The following MVB12B variants were observed in gnomAD, a reference collection of about 807,000 sequenced individuals.
MVB12B encodes ESCRT-I complex subunit MVB12B.
Under a neutral mutation model 41.6 loss-of-function variants are expected in MVB12B, and 16 were observed. That is an observed-to-expected ratio of 0.38 (90% CI 0.26 to 0.58). The LOEUF (loss-of-function observed/expected upper bound fraction) is 0.58, where lower values mean the gene tolerates loss of function less well. Among genes scored for constraint, MVB12B ranks in the 20% least tolerant of loss-of-function variants. The pLI is 0.62. For missense variants in MVB12B, 274 were observed against 380.2 expected (o/e 0.72, Z 2.32); for synonymous variants, 133 against 139.7 (o/e 0.95, Z 0.34).
intron 2 of MVB12B, among the ~76,000 whole-genome samples, chr9:126,365,684 T>G (rs991011968): frequency 1.3e-5 from 2 of 152,154 alleles, no homozygotes; most frequent in African/African-American, 4.8e-5. Flanking sequence ...AATATACCTT[T>G]CTATTGTTTC....
chr9:126,467,099 G>A (rs1174694307), intron 7 of MVB12B, among the ~76,000 whole-genome samples: 1 of 152,106 alleles, frequency 6.6e-6, no homozygotes, highest in Non-Finnish European at 1.5e-5. Flanking sequence ...CTGCCAAAGT[G>A]CTGGAATTAC....
At chr9:126,419,937 T>G (rs763114707) in intron 6 of MVB12B, among the ~76,000 whole-genome samples, 5 of 152,166 alleles carry the variant, frequency 3.3e-5, no homozygotes, top group Non-Finnish European at 7.4e-5. Context: ...CCTAGGAGTT[T>G]GAACCCAAGC....
intron 7 of MVB12B, among the ~76,000 whole-genome samples, chr9:126,467,713 A>G (rs1833226899): frequency 6.6e-6 from 1 of 152,212 alleles, no homozygotes; most frequent in South Asian, 2.1e-4. Context: ...TATTTAGCCA[A>G]TGGGAACCCC....
At chr9:126,370,952 A>G (rs1487341627) in intron 2 of MVB12B, among the ~76,000 whole-genome samples, 2 of 151,938 alleles carry the variant, frequency 1.3e-5, no homozygotes, top group African/African-American at 4.8e-5. Context: ...TTTTTTTCTA[A>G]AAGTTTGGAA....
chr9:126,379,252 G>A (rs901694198), intron 2 of MVB12B, among the ~76,000 whole-genome samples: 1 of 152,230 alleles, frequency 6.6e-6, no homozygotes, highest in African/African-American at 2.4e-5. Context: ...AGATGCATGT[G>A]TTTGGATATG....
At chr9:126,458,468 C>G (rs2119172329) in intron 7 of MVB12B, among the ~76,000 whole-genome samples, 1 of 152,338 alleles carries the variant, frequency 6.6e-6, no homozygotes, top group East Asian at 1.9e-4. Context: ...TTAACTTTGC[C>G]TGCCTGCTGG....
intron 9 of MVB12B, among the ~76,000 whole-genome samples, chr9:126,493,486 T>C (rs1017180763): frequency 2.0e-5 from 3 of 152,240 alleles, no homozygotes; most frequent in Non-Finnish European, 4.4e-5. Context: ...TCTCTCTTTT[T>C]TCCCCCAGAA....
chr9:126,410,141 TTGTG>T (rs3222493), intron 6 of MVB12B, among the ~76,000 whole-genome samples: 23,225 of 148,256 alleles, frequency 0.16, 1,989 homozygotes, highest in Middle Eastern at 0.29. Flanking sequence ...TGATTTGGTT[TTGTG>T]TGTGTGTGTG....
At chr9:126,497,235 C>A (rs1833856494) in intron 9 of MVB12B, among the ~76,000 whole-genome samples, 2 of 152,212 alleles carry the variant, frequency 1.3e-5, no homozygotes, top group South Asian at 4.1e-4. Flanking sequence ...CCTTATTGCA[C>A]CCCCTGGTTT....
At chr9:126,501,553 G>A (rs1185596760) in intron 9 of MVB12B, among the ~76,000 whole-genome samples, 1 of 152,214 alleles carries the variant, frequency 6.6e-6, no homozygotes, top group Non-Finnish European at 1.5e-5. Context: ...GGGTCAGCCT[G>A]GGGACTGTGG....
intron 3 of MVB12B, among the ~76,000 whole-genome samples, chr9:126,382,680 C>G (rs1830669403): frequency 6.6e-6 from 1 of 152,062 alleles, no homozygotes; most frequent in Admixed American, 6.5e-5. Context: ...TAAAAATGGC[C>G]TGAGGACAGC....
chr9:126,445,333 G>C (rs951167323), intron 7 of MVB12B, among the ~76,000 whole-genome samples: 1 of 152,088 alleles, frequency 6.6e-6, no homozygotes, highest in Non-Finnish European at 1.5e-5. Flanking sequence ...TTGAGACAGG[G>C]ACTCACTCTG....
At chr9:126,499,719 GC>G (rs1833912113) in intron 9 of MVB12B, among the ~76,000 whole-genome samples, 1 of 152,186 alleles carries the variant, frequency 6.6e-6, no homozygotes, top group Admixed American at 6.5e-5. Context: ...AAAACAAGAA[GC>G]GGGGGTGGGT....
At chr9:126,400,027 G>A (rs1324844828) in intron 6 of MVB12B, among the ~76,000 whole-genome samples, 1 of 152,114 alleles carries the variant, frequency 6.6e-6, no homozygotes, top group African/African-American at 2.4e-5. Context: ...TCGGAGCGTG[G>A]GTGTGTGGAG....
chr9:126,406,788 T>A (rs979516799), intron 6 of MVB12B, among the ~76,000 whole-genome samples: 2 of 152,202 alleles, frequency 1.3e-5, no homozygotes, highest in African/African-American at 4.8e-5. Flanking sequence ...ATACCATGAT[T>A]TGGAGTGTTG....
At position 126,367,982 on chromosome 9, in the gene MVB12B, A is replaced by G. The variant is rs532006596; in HGVS notation, c.205-13082A>G. ...AAGGAAAGACTTGTGTCCTGAAGAGATGAATTGCAGCTTAGTGATGATGGC... is the reference window on the plus strand; with the variant it reads ...AAGGAAAGACTTGTGTCCTGAAGAGGTGAATTGCAGCTTAGTGATGATGGC... On this transcript the variant is annotated intron_variant, in intron 2 of 9. Transcript: ENST00000361171. The surrounding 1 kb of genome is among the most constrained non-coding windows in gnomAD (Gnocchi z 4.3). Among the ~76,000 whole-genome samples the G allele has an allele frequency of 2.0e-5, 3 of 152,284 alleles. No homozygotes were observed. In the South Asian group the frequency reaches 6.2e-4, roughly 32 times the overall value.
chr9:126,421,414 A>G (rs984813525), intron 6 of MVB12B, among the ~76,000 whole-genome samples: 2 of 152,242 alleles, frequency 1.3e-5, no homozygotes, highest in East Asian at 1.9e-4. Context: ...CTTCATGTGC[A>G]GTGATCCTCA....
chr9:126,359,968 C>T (rs546731078), intron 2 of MVB12B, among the ~76,000 whole-genome samples: 4 of 151,940 alleles, frequency 2.6e-5, no homozygotes, highest in Non-Finnish European at 5.9e-5. Flanking sequence ...ATTTTTTCTT[C>T]TGCTTACTTT....
chr9:126,342,915 G>A (rs867506420), intron 2 of MVB12B, among the ~76,000 whole-genome samples: 16 of 152,216 alleles, frequency 1.1e-4, no homozygotes, highest in African/African-American at 3.1e-4. Flanking sequence ...GGATTGGGCC[G>A]AGACCTCTCT....
Sources: allele counts gnomAD v4.1 joint callset (sites outside exome capture counted in the v4.1 genomes callset), GRCh38; gene constraint gnomAD v4.1.1; non-coding constraint Gnocchi (gnomAD v3.1); transcripts MANE v1.5; gene names NCBI Gene and HGNC (gene_info 2026-07-23, HGNC 2026-07-21).